The following SH2D4A variants were observed in gnomAD, a reference collection of about 807,000 sequenced individuals.
SH2D4A encodes the protein SH2 domain containing 4A.
In SH2D4A, 70 loss-of-function variants were observed where a neutral mutation model predicts 64.7. The observed-to-expected ratio is 1.08, with a 90% CI of 0.89 to 1.32. The LOEUF is 1.32. Ranked by LOEUF, SH2D4A falls within the 40% of genes most tolerant of loss-of-function variation. The pLI is 0.00. For synonymous variants in SH2D4A, 268 were observed against 200.7 expected (o/e 1.34, Z -2.83); for missense variants, 706 against 540.1 (o/e 1.31, Z -3.04).
chr8:19,383,734 T>C (rs2053338651), intron 8 of SH2D4A, among the ~76,000 whole-genome samples: 1 of 152,182 alleles, frequency 6.6e-6, no homozygotes, highest in South Asian at 2.1e-4. Context: ...CCTGTATCTT[T>C]ACATGGCCAT....
intron 7 of SH2D4A, among the ~76,000 whole-genome samples, chr8:19,365,241 C>T (rs2052972969): frequency 6.6e-6 from 1 of 152,136 alleles, no homozygotes; most frequent in South Asian, 2.1e-4. Flanking sequence ...TTTTTCTTTG[C>T]TGTAATTATT....
chr8:19,334,615 G>T, intron 3 of SH2D4A, 71 bp from the exon 4 acceptor site: 1 of 1,485,224 alleles, frequency 6.7e-7, no homozygotes, highest in South Asian at 1.3e-5. Context: ...TTTGAATGTC[G>T]ACATATGCTT....
Position 19,334,609 on chromosome 8 carries a change from A to C in SH2D4A, c.342-77A>C, listed in dbSNP as rs543202717. 14 of 1,457,588 alleles carry C rather than the reference A, an allele frequency of 9.6e-6. No homozygotes were observed. In the East Asian group the frequency reaches 2.8e-4, roughly 29 times the overall value. The allele number at this position is 1,457,588 out of a possible 1,614,324, so 90.3% of individuals were successfully genotyped here. A position where few individuals can be genotyped will look rare whatever the true frequency, so the allele number is the denominator to read the frequency against. ...CAGTTACTGTTTTTCACATAATTTG[A>C]ATGTCGACATATGCTTTGGAAAGGC... On this transcript the variant is annotated intron_variant, in intron 3 of 9. Coordinates refer to ENST00000265807, the MANE Select transcript of SH2D4A (RefSeq NM_022071.4).
intron 6 of SH2D4A, among the ~76,000 whole-genome samples, chr8:19,362,981 G>T (rs1412369935): frequency 1.3e-5 from 2 of 152,076 alleles, no homozygotes; most frequent in African/African-American, 4.8e-5. Flanking sequence ...AGTCCTGCAA[G>T]CTCCATTCAT....
chr8:19,345,981 A>G (rs1205168275), intron 4 of SH2D4A, among the ~76,000 whole-genome samples: 1 of 152,392 alleles, frequency 6.6e-6, no homozygotes, highest in East Asian at 1.9e-4. Flanking sequence ...GTCCAGTCTC[A>G]GAGTATCTTT....
In SH2D4A at chr8:19,315,245, C is replaced by T. The variant is rs374595945; in HGVS notation, c.-205+1422C>T. On this transcript the variant is annotated intron_variant, in intron 1 of 9. Coordinates refer to ENST00000265807, the MANE Select transcript of SH2D4A (RefSeq NM_022071.4). ...CAAACTCTCCAACTCAAGAGATCCC[C>T]CCACCTCAACCTCCCAAGTAGGTGG... Among the ~76,000 whole-genome samples the T allele has an allele frequency of 2.9e-3, 446 of 152,244 alleles. 1 individual carries two copies. Among genetic ancestry groups the T allele is most frequent in the African/African-American group, 0.01 (416 of 41,534 alleles).
chr8:19,364,642 T>C (rs2052958997), intron 7 of SH2D4A, among the ~76,000 whole-genome samples: 1 of 147,256 alleles, frequency 6.8e-6, no homozygotes, highest in Admixed American at 6.8e-5. Context: ...AGGAAACAAG[T>C]GGGGTTTCAC....
rs547292641 is a variant in SH2D4A, at chr8:19,323,794, A to T, written c.181+4066A>T. Among the ~76,000 whole-genome samples, 3 of 152,354 alleles carry T rather than the reference A, an allele frequency of 2.0e-5. No individual in the cohort carries two copies. In the East Asian group the frequency reaches 5.8e-4, roughly 29 times the overall value. On this transcript the variant is annotated intron_variant, in intron 2 of 9. Coordinates refer to ENST00000265807, the MANE Select transcript of SH2D4A (RefSeq NM_022071.4). ...CAGCATTCAATACGCTTAACTGGGT[A>T]TCAGACCCTGAGCATTGAGATTAAG...
At position 19,313,724 on chromosome 8, in the gene SH2D4A, A is replaced by T. The variant is rs2052034151; in HGVS notation, c.-304A>T. The T allele has an allele frequency of 6.7e-7, 1 of 1,499,554 alleles. No homozygotes were observed. The highest frequency in any genetic ancestry group is 1.5e-5 in the African/African-American group (1 of 68,804). 92.9% of individuals were successfully genotyped at this position (1,499,554 alleles called of 1,614,324 possible). ...GCTCAGCCCGCCTGCGCCGCTTGGG[A>T]CGCCTCTGCCTTTCCCTCCCTCCCT... On this transcript the variant is annotated 5_prime_UTR_variant, in exon 1 of 10. Coordinates refer to ENST00000265807, the MANE Select transcript of SH2D4A (RefSeq NM_022071.4).
intron 4 of SH2D4A, 105 bp from the exon 5 acceptor site, chr8:19,357,098 A>G: frequency 4.6e-6 from 4 of 864,828 alleles, no homozygotes; most frequent in Non-Finnish European, 7.5e-6. Context: ...ATCCATCTGT[A>G]GGGGCGGGGG....
At chr8:19,357,049 C>T (rs1425249774) in intron 4 of SH2D4A, among the ~76,000 whole-genome samples, 154 bp from the exon 5 acceptor site, 1 of 152,156 alleles carries the variant, frequency 6.6e-6, no homozygotes, top group South Asian at 2.1e-4. Flanking sequence ...TAGTCAGGAT[C>T]GGCCCAGGAA....
intron 1 of SH2D4A, among the ~76,000 whole-genome samples, chr8:19,315,897 C>T (rs1313518589): frequency 6.6e-6 from 1 of 152,228 alleles, no homozygotes; most frequent in Non-Finnish European, 1.5e-5. Context: ...CAGATACCCA[C>T]ACATTAGAAG....
chr8:19,350,229 G>A lies in SH2D4A; in HGVS notation c.514-6974G>A, dbSNP rs999016087. ...TTCAGGCGTCTCCCTGGATGAGAAT[G>A]TAAGAGTGGCCTTTGAAACTCCCTC... On this transcript the variant is annotated intron_variant, in intron 4 of 9. Coordinates refer to ENST00000265807, the MANE Select transcript of SH2D4A (RefSeq NM_022071.4). 2.6e-5 allele frequency among the ~76,000 whole-genome samples: 4 copies of A among 152,200 alleles called. No individual in the cohort carries two copies. In the South Asian group the frequency reaches 6.2e-4, roughly 24 times the overall value.
chr8:19,319,590 C>G lies in SH2D4A; in HGVS notation c.43C>G (p.Leu15Val). 1.9e-6 allele frequency: 3 copies of G among 1,603,624 alleles called. No homozygotes were observed. Among genetic ancestry groups the G allele is most frequent in the Non-Finnish European group, 2.6e-6 (3 of 1,176,140 alleles). Residue 15 changes from leucine to valine, a missense_variant, in exon 2 of 10, where the codon CTA (leucine) becomes GTA (valine). Coordinates refer to ENST00000265807, the MANE Select transcript of SH2D4A (RefSeq NM_022071.4). ...GTCGGAGATGTACATAGATCCTGAT[C>G]TACTGGCAGAGCTCAGCGAAGAACA... is the stretch of plus-strand genomic sequence containing the variant. Reference protein sequence around the residue: ...ILSEMYIDPDLLAELSEEQKQ... With the variant: ...ILSEMYIDPDVLAELSEEQKQ...
intron 2 of SH2D4A, among the ~76,000 whole-genome samples, chr8:19,331,941 G>C (rs2052370030): frequency 6.6e-6 from 1 of 152,088 alleles, no homozygotes; most frequent in South Asian, 2.1e-4. Context: ...ATTGCTTGAA[G>C]CCAGAAGTTT....
chr8:19,323,837 T>C (rs1347880334), intron 2 of SH2D4A, among the ~76,000 whole-genome samples: 1 of 152,220 alleles, frequency 6.6e-6, no homozygotes, highest in Non-Finnish European at 1.5e-5. Context: ...TCTCACTAAA[T>C]AATCACAGCT....
At chr8:19,386,899 G>T (rs557534399) in intron 8 of SH2D4A, among the ~76,000 whole-genome samples, 1 of 152,156 alleles carries the variant, frequency 6.6e-6, no homozygotes, top group Non-Finnish European at 1.5e-5. Context: ...CCCACTTCAG[G>T]CTCCTGAACA....
intron 8 of SH2D4A, among the ~76,000 whole-genome samples, chr8:19,378,078 T>G (rs1585201903): frequency 6.6e-6 from 1 of 152,200 alleles, no homozygotes; most frequent in South Asian, 2.1e-4. Context: ...GCTGGATGAG[T>G]AGGTCTTCTG....
In SH2D4A at chr8:19,361,240, TAAATC is replaced by T; in HGVS notation, c.637_641del (p.Gln213ArgfsTer10). Reference sequence around the variant, plus strand: ...ATGAAGAAAAAACAAGATGAAGAAATAAATCAAATAGAAGAAGAGAGAACGAAGCA... The same window carrying T: ...ATGAAGAAAAAACAAGATGAAGAAATAAATAGAAGAAGAGAGAACGAAGCA... On this transcript the variant is annotated frameshift_variant, in exon 6 of 10. Coordinates refer to ENST00000265807, the MANE Select transcript of SH2D4A (RefSeq NM_022071.4). LOFTEE classifies it high-confidence loss of function. 1.9e-6 allele frequency: 3 copies of T among 1,590,820 alleles called. No individual in the cohort carries two copies. The highest frequency in any genetic ancestry group is 2.6e-6 in the Non-Finnish European group (3 of 1,163,234).
Sources: allele counts gnomAD v4.1 joint callset (sites outside exome capture counted in the v4.1 genomes callset), GRCh38; gene constraint gnomAD v4.1.1; transcripts MANE v1.5; gene names NCBI Gene and HGNC (gene_info 2026-07-23, HGNC 2026-07-21).